Variants in DDI2 observed in about 807,000 individuals in gnomAD.
DDI2 encodes protein DDI1 homolog 2.
DDI2 carries 5 observed loss-of-function variants against 48.1 expected under a neutral mutation model. The ratio of observed to expected loss-of-function variants is 0.10; its 90% CI spans 0.05 to 0.22. The LOEUF is 0.22. Among genes scored for constraint, DDI2 ranks in the 10% least tolerant of loss-of-function variants. The pLI is 1.00. For synonymous variants in DDI2, 205 were observed against 183.6 expected (o/e 1.12, Z -0.94); for missense variants, 285 against 506.2 (o/e 0.56, Z 4.19).
intron 3 of DDI2, among the ~76,000 whole-genome samples, chr1:15,631,090 G>A (rs1200615219): frequency 1.3e-5 from 2 of 152,246 alleles, no homozygotes; most frequent in African/African-American, 2.4e-5. Context: ...TGATCCGCCT[G>A]CCTCGGCCTC....
At chr1:15,629,239 G>A (rs1388127064) in intron 2 of DDI2, among the ~76,000 whole-genome samples, 3 of 152,172 alleles carry the variant, frequency 2.0e-5, no homozygotes, top group Non-Finnish European at 4.4e-5. Context: ...GAGCCAATAC[G>A]TTTAGCACTG....
Position 15,660,126 on chromosome 1 carries a change from T to A in DDI2, c.*336T>A. 1 of 1,614,224 alleles carries A rather than the reference T, an allele frequency of 6.2e-7. No homozygotes were observed. Among genetic ancestry groups the A allele is most frequent in the South Asian group, 1.1e-5 (1 of 91,086 alleles). On this transcript the variant is annotated 3_prime_UTR_variant, in exon 10 of 10. Coordinates refer to ENST00000480945, the MANE Select transcript of DDI2 (RefSeq NM_032341.5). ...CTGATCATGCTTCCTCAGCAGACCA[T>A]GCTCCAACAGACCAGAGTCCAGCTA...
intron 4 of DDI2, 30 bp from the exon 5 acceptor site, chr1:15,638,277 T>G: frequency 1.2e-6 from 2 of 1,612,502 alleles, no homozygotes; most frequent in Non-Finnish European, 1.7e-6. Flanking sequence ...AATTAATGCT[T>G]TCAGTGTCCC....
At chr1:15,648,330 G>T (rs1335632736) in intron 6 of DDI2, among the ~76,000 whole-genome samples, 1 of 152,152 alleles carries the variant, frequency 6.6e-6, no homozygotes, top group African/African-American at 2.4e-5. Context: ...TGATCAGCAT[G>T]AAAAAACCCT....
rs199584490 is a variant in DDI2, at chr1:15,660,726, G to C, written c.*936G>C. 6.2e-7 allele frequency: 1 copy of C among 1,613,812 alleles called. No individual in the cohort carries two copies. On this transcript the variant is annotated 3_prime_UTR_variant, in exon 10 of 10. Transcript: ENST00000480945. Reference sequence around the variant, plus strand: ...TGGATCTCACTTTAGATAATCCCTTGATGGAAGTAGAAACATCAAAATGTA... The same window carrying C: ...TGGATCTCACTTTAGATAATCCCTTCATGGAAGTAGAAACATCAAAATGTA...
chr1:15,653,277 AT>A (rs1173494329), intron 8 of DDI2, among the ~76,000 whole-genome samples: 3 of 94,482 alleles, frequency 3.2e-5, no homozygotes, highest in Admixed American at 9.3e-5. Context: ...TATTTATTTT[AT>A]TTTATTTTAT....
chr1:15,619,682 C>G (rs1639626424), intron 1 of DDI2, among the ~76,000 whole-genome samples: 1 of 151,254 alleles, frequency 6.6e-6, no homozygotes. Flanking sequence ...AGGATGGTCT[C>G]GATCTCCTGA....
chr1:15,635,494 C>T (rs1570974703), intron 4 of DDI2, among the ~76,000 whole-genome samples: 1 of 152,182 alleles, frequency 6.6e-6, no homozygotes, highest in Admixed American at 6.5e-5. Flanking sequence ...CAGCCTCCGC[C>T]TCCCAAGTTC....
At chr1:15,620,087 A>G (rs1450780155) in intron 1 of DDI2, among the ~76,000 whole-genome samples, 2 of 152,220 alleles carry the variant, frequency 1.3e-5, no homozygotes, top group East Asian at 3.9e-4. Context: ...GCTAACTCCA[A>G]ATTATTTCTT....
intron 1 of DDI2, among the ~76,000 whole-genome samples, chr1:15,621,476 C>T (rs974073743): frequency 6.6e-6 from 1 of 151,946 alleles, no homozygotes; most frequent in Non-Finnish European, 1.5e-5. Context: ...CCTCAACCTC[C>T]TGGGCTCAAG....
At chr1:15,633,854 C>T (rs778105851) in intron 4 of DDI2, 2 of 467,108 alleles carry the variant, frequency 4.3e-6, no homozygotes, top group South Asian at 1.5e-5. Context: ...TAAATGACCC[C>T]CGGACTGAGC....
rs943607068 is a variant in DDI2 at position 15,630,450 on chromosome 1, T to A, written c.394T>A (p.Leu132Met). 1.9e-6 allele frequency: 3 copies of A among 1,614,140 alleles called. No individual in the cohort carries two copies. The African/African-American group carries it at 4.0e-5, about 22-fold the overall frequency. ...PGEITSSPQG[L>M]DNPALLRDML... ...AGAAATAACTTCATCTCCTCAGGGCTTGGACAATCCAGCCTTGCTCCGAGA... is the reference window on the plus strand; with the variant it reads ...AGAAATAACTTCATCTCCTCAGGGCATGGACAATCCAGCCTTGCTCCGAGA... The change falls in exon 3 of 10, where the codon TTG becomes ATG. Residue 132 changes from leucine (L) to methionine (M), a missense_variant. Physicochemically the swap from Leu to Met is conservative, Grantham distance 15. Coordinates refer to ENST00000480945, the MANE Select transcript of DDI2 (RefSeq NM_032341.5).
At position 15,647,684 on chromosome 1, in the gene DDI2, G is replaced by A. The variant is rs568838881; in HGVS notation, c.890-2036G>A. ...TCCCTCTTAAATTTACAAATAAGGT[G>A]GGTGTGGTGGCTCATGTCTGAAATC... On this transcript the variant is annotated intron_variant, in intron 6 of 9. Transcript: ENST00000480945. Among the ~76,000 whole-genome samples the A allele has an allele frequency of 7.9e-5, 12 of 152,248 alleles. No homozygotes were observed. The South Asian group carries it at 1.9e-3, about 24-fold the overall frequency.
In DDI2 at chr1:15,661,887, A is replaced by G. The variant is rs372415617; in HGVS notation, c.*2097A>G. 1.0e-4 allele frequency: 104 copies of G among 998,014 alleles called. No homozygotes were observed. In the East Asian group the frequency reaches 2.6e-3, roughly 25 times the overall value. The allele number at this position is 998,014 out of a possible 1,614,324, so 61.8% of individuals were successfully genotyped here. A position where few individuals can be genotyped will look rare whatever the true frequency, so the allele number is the denominator to read the frequency against. ...TTAAAGATTTTTTTCGGCCAAAGTAATTTATGATCTTTTGTCTGATGAATT... is the reference window on the plus strand; with the variant it reads ...TTAAAGATTTTTTTCGGCCAAAGTAGTTTATGATCTTTTGTCTGATGAATT... On this transcript the variant is annotated 3_prime_UTR_variant, in exon 10 of 10. Transcript: ENST00000480945.
chr1:15,658,831 G>C (rs1482295515), intron 9 of DDI2, among the ~76,000 whole-genome samples: 1 of 152,062 alleles, frequency 6.6e-6, no homozygotes, highest in Non-Finnish European at 1.5e-5. Context: ...AGAAGAGCTG[G>C]AAATGATGTT....
In DDI2 at chr1:15,664,084, T is replaced by C; in HGVS notation, c.*4294T>C. ...CCTTGTCCCTTCCATCATTTTATTT[T>C]TGAGATGGGGTCTTGCAGTGTTGCC... On this transcript the variant is annotated 3_prime_UTR_variant, in exon 10 of 10. Transcript: ENST00000480945. 1 of 152,180 alleles carries C rather than the reference T, an allele frequency of 6.6e-6. No individual in the cohort carries two copies. The highest frequency in any genetic ancestry group is 1.9e-4 in the East Asian group (1 of 5,202). The allele number at this position is 152,180 out of a possible 1,614,324, so 9.4% of individuals were successfully genotyped here. A position where few individuals can be genotyped will look rare whatever the true frequency, so the allele number is the denominator to read the frequency against.
At chr1:15,649,145 C>T (rs1371809267) in intron 6 of DDI2, among the ~76,000 whole-genome samples, 3 of 151,998 alleles carry the variant, frequency 2.0e-5, no homozygotes, top group Non-Finnish European at 4.4e-5. Context: ...GGGTGGATCA[C>T]GTGAGGTCAG....
Position 15,660,539 on chromosome 1 carries a change from A to G in DDI2, c.*749A>G, listed in dbSNP as rs549246489. On this transcript the variant is annotated 3_prime_UTR_variant, in exon 10 of 10. Transcript: ENST00000480945. ...ATGAAAGGAAATGGGCTCCCACAGAATGTGGATCCTCCAAGTGCGAAGAAA... is the reference window on the plus strand; with the variant it reads ...ATGAAAGGAAATGGGCTCCCACAGAGTGTGGATCCTCCAAGTGCGAAGAAA... 1.4e-5 allele frequency: 22 copies of G among 1,613,160 alleles called. No individual in the cohort carries two copies. In the East Asian group the frequency reaches 4.7e-4, roughly 34 times the overall value.
At chr1:15,638,556 AC>A in intron 5 of DDI2, 122 bp downstream of exon 5, 1 of 947,186 alleles carries the variant, frequency 1.1e-6, no homozygotes, top group Non-Finnish European at 1.5e-6. Context: ...TTTTTTTGAG[AC>A]AGAGTCTTGC....
Sources: gnomAD v4.1 joint callset for allele counts (sites outside exome capture counted in the v4.1 genomes callset) on GRCh38, gnomAD v4.1.1 for gene constraint, MANE v1.5 for transcripts, NCBI Gene and HGNC (gene_info 2026-07-23, HGNC 2026-07-21) for gene names.